The following ADAMTSL1 variants were observed in gnomAD, a reference collection of about 807,000 sequenced individuals.
ADAMTSL1 encodes the protein ADAMTS-like protein 1.
A neutral mutation model predicts 201.8 loss-of-function variants in ADAMTSL1; 126 were observed. That is an observed-to-expected ratio of 0.62 (90% CI 0.54 to 0.72). The LOEUF is 0.72. ADAMTSL1 is among the 30% of genes least tolerant of loss of function. The pLI, the probability that ADAMTSL1 is intolerant of heterozygous loss-of-function variation, is 0.00. For missense variants in ADAMTSL1, 2,679 were observed against 2,277.8 expected (o/e 1.18, Z -3.59); for synonymous variants, 1,121 against 903.4 (o/e 1.24, Z -4.32).
intron 1 of ADAMTSL1, among the ~76,000 whole-genome samples, chr9:18,106,303 T>C (rs889298921): frequency 2.6e-5 from 4 of 152,226 alleles, no homozygotes; most frequent in Non-Finnish European, 4.4e-5. Context: ...CTGGGATTGC[T>C]GGCCCATGCT....
At position 18,488,282 on chromosome 9, in the gene ADAMTSL1, T is replaced by C. The variant is rs1032960402; in HGVS notation, c.63+13987T>C. ...TCAAAACCCTCTGCCCAGGACCTCC[T>C]TTATTCTTAATCTAGGGGCGCCTGT... On this transcript the variant is annotated intron_variant, in intron 1 of 28. Transcript: ENST00000380548. Among the ~76,000 whole-genome samples, 34 of 152,184 alleles carry C rather than the reference T, an allele frequency of 2.2e-4. 1 individual carries two copies. The highest frequency in any genetic ancestry group is 8.2e-4 in the African/African-American group (34 of 41,442).
At chr9:18,631,440 G>C (rs1052869301) in intron 5 of ADAMTSL1, among the ~76,000 whole-genome samples, 3 of 152,108 alleles carry the variant, frequency 2.0e-5, no homozygotes, top group African/African-American at 4.8e-5. Flanking sequence ...CCTCAAGATT[G>C]GCAGACTATT....
At chr9:18,068,880 T>C (rs1378856713) in intron 1 of ADAMTSL1, among the ~76,000 whole-genome samples, 4 of 152,202 alleles carry the variant, frequency 2.6e-5, no homozygotes, top group African/African-American at 4.8e-5. Flanking sequence ...TATACAGCAC[T>C]TTACTCTGGG....
intron 15 of ADAMTSL1, among the ~76,000 whole-genome samples, chr9:18,730,402 G>A (rs1818141156): frequency 6.6e-6 from 1 of 152,234 alleles, no homozygotes; most frequent in South Asian, 2.1e-4. Flanking sequence ...ATACAGTTCA[G>A]GAACAGTTCA....
At chr9:18,660,988 C>T (rs1829055009) in intron 8 of ADAMTSL1, among the ~76,000 whole-genome samples, 2 of 152,064 alleles carry the variant, frequency 1.3e-5, no homozygotes, top group Admixed American at 6.6e-5. Flanking sequence ...GTTCAACCCA[C>T]CTGCTAGGGA....
chr9:18,111,845 G>T (rs937851342), intron 1 of ADAMTSL1, among the ~76,000 whole-genome samples: 1 of 152,122 alleles, frequency 6.6e-6, no homozygotes, highest in Admixed American at 6.5e-5. Flanking sequence ...GATATCACTG[G>T]TGAGTCCACC....
chr9:17,976,670 C>T lies in ADAMTSL1; in HGVS notation c.87+69748C>T, dbSNP rs1019537958. On this transcript the variant is annotated intron_variant, in intron 1 of 29. Coordinates refer to the ADAMTSL1 transcript ENST00000680146. ...AAGGTTCTTTCTCTCTCTCTCCACT[C>T]TCTCTTTCTCACTCTCTCTCTTGCT... 5.3e-5 allele frequency among the ~76,000 whole-genome samples: 8 copies of T among 151,838 alleles called. No individual in the cohort carries two copies. In the South Asian group the frequency reaches 1.0e-3, roughly 20 times the overall value.
chr9:18,471,531 T>G (rs1255850290), upstream of ADAMTSL1, among the ~76,000 whole-genome samples: 1 of 152,236 alleles, frequency 6.6e-6, no homozygotes, highest in African/African-American at 2.4e-5. Flanking sequence ...TCATCAAAAT[T>G]AGTTCATGAC....
At chr9:17,908,322 C>G (rs1825802208) in intron 1 of ADAMTSL1, among the ~76,000 whole-genome samples, 1 of 152,184 alleles carries the variant, frequency 6.6e-6, no homozygotes, top group East Asian at 1.9e-4. Flanking sequence ...TGCGTTAGGG[C>G]CACACCCCAG....
At chr9:18,509,045 G>T (rs4385563) in intron 2 of ADAMTSL1, among the ~76,000 whole-genome samples, 1 of 130,484 alleles carries the variant, frequency 7.7e-6, no homozygotes, top group East Asian at 2.0e-4. Context: ...TTAGCCGGGC[G>T]CGGTGGCGGG....
chr9:18,371,142 T>G (rs575966749), intron 2 of ADAMTSL1, among the ~76,000 whole-genome samples: 5 of 152,322 alleles, frequency 3.3e-5, no homozygotes, highest in African/African-American at 9.6e-5. Flanking sequence ...AAGTCCTTAG[T>G]TTTTGTAATA....
rs1410617118 is a variant in ADAMTSL1, at chr9:18,100,682, T to C, written c.88-63180T>C. Among the ~76,000 whole-genome samples the C allele has an allele frequency of 2.0e-5, 3 of 152,182 alleles. No homozygotes were observed. The East Asian group carries it at 5.8e-4, about 29-fold the overall frequency. On this transcript the variant is annotated intron_variant, in intron 1 of 29. Transcript: ENST00000680146. ...TCCACTCCTAGTAGTTTCTTTTCAG[T>C]GTGGATCCCTGACCTAGACAGGAGG... is the stretch of plus-strand genomic sequence containing the variant.
intron 1 of ADAMTSL1, among the ~76,000 whole-genome samples, chr9:17,987,107 C>A (rs772338834): frequency 1.3e-5 from 2 of 152,062 alleles, no homozygotes; most frequent in Non-Finnish European, 2.9e-5. Context: ...TATATCATGT[C>A]TCTCTGAGTT....
chr9:18,253,150 T>G (rs994981946), intron 2 of ADAMTSL1, among the ~76,000 whole-genome samples: 2 of 152,152 alleles, frequency 1.3e-5, no homozygotes, highest in Non-Finnish European at 2.9e-5. Context: ...ACAATATGTA[T>G]GGTACTATCT....
chr9:18,776,119 A>AG (rs1399403183), intron 18 of ADAMTSL1, among the ~76,000 whole-genome samples: 5 of 150,620 alleles, frequency 3.3e-5, no homozygotes, highest in East Asian at 4.1e-4. Context: ...AACAGTTTGC[A>AG]GGGGGGTAGA....
At chr9:18,417,407 G>A (rs1818734704) in intron 2 of ADAMTSL1, among the ~76,000 whole-genome samples, 3 of 139,610 alleles carry the variant, frequency 2.1e-5, no homozygotes, top group Admixed American at 7.0e-5. Context: ...GATGAGGGCA[G>A]AAATTAATTT....
chr9:18,800,377 C>CAAAAAAAA (rs58346548), intron 20 of ADAMTSL1, among the ~76,000 whole-genome samples: 112 of 60,650 alleles, frequency 1.8e-3, no homozygotes, highest in Middle Eastern at 0.011. Flanking sequence ...AACTCCATCT[C>CAAAAAAAA]AAAAAAAAAA....
intron 23 of ADAMTSL1, among the ~76,000 whole-genome samples, chr9:18,869,003 T>A (rs986877644): frequency 3.9e-5 from 6 of 152,224 alleles, no homozygotes; most frequent in Non-Finnish European, 7.3e-5. Context: ...GTCATTCATA[T>A]GGACCCTAAT....
At chr9:17,922,059 A>T (rs1047766664) in intron 1 of ADAMTSL1, among the ~76,000 whole-genome samples, 1 of 145,720 alleles carries the variant, frequency 6.9e-6, no homozygotes, top group Non-Finnish European at 1.5e-5. Flanking sequence ...TTAAAAATGT[A>T]TTCTCTAAGG....
Sources: allele counts gnomAD v4.1 joint callset (sites outside exome capture counted in the v4.1 genomes callset), GRCh38; gene constraint gnomAD v4.1.1; transcripts MANE v1.5; gene names NCBI Gene and HGNC (gene_info 2026-07-23, HGNC 2026-07-21).